Variants in NIPSNAP1 observed in about 807,000 individuals in gnomAD.
The protein encoded by NIPSNAP1 is protein NipSnap homolog 1.
Under a neutral mutation model 49.2 loss-of-function variants are expected in NIPSNAP1, and 25 were observed. The ratio of observed to expected loss-of-function variants is 0.51; its 90% CI spans 0.37 to 0.71. The LOEUF (loss-of-function observed/expected upper bound fraction) is 0.71, where lower values mean the gene tolerates loss of function less well. Among genes scored for constraint, NIPSNAP1 ranks in the 30% least tolerant of loss-of-function variants. The pLI, the probability that NIPSNAP1 is intolerant of heterozygous loss-of-function variation, is 0.00. For missense variants in NIPSNAP1, 294 were observed against 361.0 expected, an observed-to-expected ratio of 0.81 and a Z score of 1.50; for synonymous variants, 143 against 140.7, an observed-to-expected ratio of 1.02 and a Z score of -0.12.
intron 4 of NIPSNAP1, among the ~76,000 whole-genome samples, chr22:29,568,386 G>A (rs999233590): frequency 6.6e-6 from 1 of 151,466 alleles, no homozygotes; most frequent in Non-Finnish European, 1.5e-5. Flanking sequence ...GGGAAGCTGA[G>A]GCAGGAGAAT....
intron 1 of NIPSNAP1, among the ~76,000 whole-genome samples, chr22:29,577,451 C>T (rs1159376935): frequency 1.3e-5 from 2 of 148,690 alleles, no homozygotes; most frequent in East Asian, 2.0e-4. Flanking sequence ...CGAAGTCTCG[C>T]TCTTGTTCCC....
rs1268332965 is a variant in NIPSNAP1, at chr22:29,555,380, A to T, written c.*555T>A. ...CAGCCCCTCTGGGCAGAATGTCTGA[A>T]CCTCCTCCTGACCGTGGTGACGAGG... On this transcript the variant is annotated 3_prime_UTR_variant, in exon 10 of 10. Coordinates refer to ENST00000216121, the MANE Select transcript of NIPSNAP1 (RefSeq NM_003634.4). The T allele has an allele frequency of 6.4e-6, 1 of 155,886 alleles. No homozygotes were observed. Among genetic ancestry groups the T allele is most frequent in the Non-Finnish European group, 1.4e-5 (1 of 70,222 alleles). The allele number at this position is 155,886 out of a possible 1,614,324, so 9.7% of individuals were successfully genotyped here.
chr22:29,557,012 G>T lies in NIPSNAP1; in HGVS notation c.791-1013C>A, dbSNP rs185179334. Reference sequence around the variant, plus strand: ...GATCTGCCCACCTCAGCCTCCCAAAGTGCTGGGATGACAGGCGTGAGCCAC... The same window carrying T: ...GATCTGCCCACCTCAGCCTCCCAAATTGCTGGGATGACAGGCGTGAGCCAC... On this transcript the variant is annotated intron_variant, in intron 9 of 9. Coordinates refer to ENST00000216121, the MANE Select transcript of NIPSNAP1 (RefSeq NM_003634.4). Among the ~76,000 whole-genome samples, 21 of 152,282 alleles carry T rather than the reference G, an allele frequency of 1.4e-4. No homozygotes were observed. The East Asian group carries it at 4.1e-3, about 29-fold the overall frequency.
At chr22:29,579,289 C>CTTT (rs34084606) in intron 1 of NIPSNAP1, among the ~76,000 whole-genome samples, 15 of 57,362 alleles carry the variant, frequency 2.6e-4, no homozygotes, top group East Asian at 7.3e-4. Context: ...AATTTTTGTA[C>CTTT]TTTTTTTTTT....
Position 29,558,941 on chromosome 22 carries a change from A to G in NIPSNAP1, c.719T>C (p.Leu240Pro). ...VVHHLWAYKD[L>P]QSREETRNAA... ...GTTTCGAGTCTCCTCCCGAGACTGCAGGTCTTTATAGGCTGTGAGAAAGGC... is the reference window on the plus strand; with the variant it reads ...GTTTCGAGTCTCCTCCCGAGACTGCGGGTCTTTATAGGCTGTGAGAAAGGC... Residue 240 changes from leucine to proline, a missense_variant, in exon 9 of 10, where the codon CTG becomes CCG. Physicochemically the swap from Leu to Pro is moderately conservative, Grantham distance 98 (BLOSUM62 -3). This residue lies in a region of NIPSNAP1 where 146 missense variants were observed against 219.9 expected (regional missense o/e 0.66). Coordinates refer to ENST00000216121, the MANE Select transcript of NIPSNAP1 (RefSeq NM_003634.4). 1 of 1,613,168 alleles carries G rather than the reference A, an allele frequency of 6.2e-7. No individual in the cohort carries two copies. Among genetic ancestry groups the G allele is most frequent in the Non-Finnish European group, 8.5e-7 (1 of 1,179,492 alleles).
rs1184762822 is a variant in NIPSNAP1, at chr22:29,571,778, CTTTTCTTTTTTT to C, written c.99-1258_99-1247del. ...GCCCTATCCTTTCTTTTCTTTTTTTCTTTTCTTTTTTTTTGAGACAGAGTCTTGCTCTTGTTG... is the reference window on the plus strand; with the variant it reads ...GCCCTATCCTTTCTTTTCTTTTTTTCTTGAGACAGAGTCTTGCTCTTGTTG... On this transcript the variant is annotated intron_variant, in intron 1 of 9. Transcript: ENST00000216121. Among the ~76,000 whole-genome samples the C allele has an allele frequency of 2.0e-5, 3 of 150,650 alleles. No individual in the cohort carries two copies. In the East Asian group the frequency reaches 5.9e-4, roughly 30 times the overall value.
At chr22:29,573,539 C>CT (rs1347054241) in intron 1 of NIPSNAP1, among the ~76,000 whole-genome samples, 1 of 151,956 alleles carries the variant, frequency 6.6e-6, no homozygotes, top group African/African-American at 2.4e-5. Flanking sequence ...GAGGCCAAGG[C>CT]GGGTGGATTA....
At chr22:29,557,262 G>T (rs1374206373) in intron 9 of NIPSNAP1, among the ~76,000 whole-genome samples, 2 of 151,860 alleles carry the variant, frequency 1.3e-5, no homozygotes, top group African/African-American at 4.8e-5. Context: ...GGGATTACAG[G>T]CTTGAGTTAC....
At chr22:29,561,906 C>T (rs2064338718) in intron 4 of NIPSNAP1, 44 bp from the exon 5 acceptor site, 1 of 1,599,114 alleles carries the variant, frequency 6.3e-7, no homozygotes, top group African/African-American at 1.3e-5. Flanking sequence ...GCTGGGACCC[C>T]CAGCAGATGA....
chr22:29,564,200 CTG>C (rs1465148423), intron 4 of NIPSNAP1: 1 of 394,626 alleles, frequency 2.5e-6, no homozygotes, highest in African/African-American at 2.1e-5. Flanking sequence ...AACTCAGACT[CTG>C]TAACTTCCCA....
chr22:29,580,005 A>G (rs1359204150), intron 1 of NIPSNAP1: 10 of 1,090,590 alleles, frequency 9.2e-6, no homozygotes, highest in South Asian at 2.6e-5. Context: ...GGCAGGCACT[A>G]TCAGAACTTT....
intron 7 of NIPSNAP1, 72 bp from the exon 8 acceptor site, chr22:29,560,900 CACA>C: frequency 1.4e-6 from 2 of 1,408,070 alleles, no homozygotes; most frequent in Non-Finnish European, 2.0e-6. Flanking sequence ...ATTCCTTGGC[CACA>C]CTTCACAGGA....
In NIPSNAP1 at chr22:29,569,017, T is replaced by C. The variant is rs544868682; in HGVS notation, c.367+176A>G. 9.2e-5 allele frequency among the ~76,000 whole-genome samples: 14 copies of C among 152,124 alleles called. No homozygotes were observed. The East Asian group carries it at 2.7e-3, about 29-fold the overall frequency. On this transcript the variant is annotated intron_variant, in intron 4 of 9. Coordinates refer to ENST00000216121, the MANE Select transcript of NIPSNAP1 (RefSeq NM_003634.4). ...GGAGTCACAGGCTTCACGGGTCACC[T>C]TGAGGGCACAGGGGAGCCAGGACAG...
Position 29,561,839 on chromosome 22 carries a change from C to CA in NIPSNAP1, c.390dup (p.Gly131TrpfsTer16), listed in dbSNP as rs2064338068. 1 of 1,613,988 alleles carries CA rather than the reference C, an allele frequency of 6.2e-7. No individual in the cohort carries two copies. The highest frequency in any genetic ancestry group is 8.5e-7 in the Non-Finnish European group (1 of 1,180,024). ...ATGCAGTCCATGAGGGCTGGGTAGC[C>CA]ACCTGAGAATCGCCACAGGTGCACT... is the stretch of plus-strand genomic sequence containing the variant. On this transcript the variant is annotated frameshift_variant, in exon 5 of 10. Coordinates refer to ENST00000216121, the MANE Select transcript of NIPSNAP1 (RefSeq NM_003634.4). LOFTEE classifies it high-confidence loss of function.
At chr22:29,558,729 G>T in intron 9 of NIPSNAP1, 141 bp downstream of exon 9, 1 of 731,104 alleles carries the variant, frequency 1.4e-6, no homozygotes, top group Non-Finnish European at 2.5e-6. Context: ...TGTGCCACTT[G>T]GATAGAAACC....
At chr22:29,562,759 G>A (rs887938991) in intron 4 of NIPSNAP1, among the ~76,000 whole-genome samples, 29 of 152,096 alleles carry the variant, frequency 1.9e-4, no homozygotes, top group Admixed American at 7.2e-4. Context: ...CCTCGGGCAG[G>A]AGGGAAGCTT....
At chr22:29,570,005 GAGAA>G (rs574102676) in intron 3 of NIPSNAP1, 153 bp downstream of exon 3, 165 of 700,308 alleles carry the variant, frequency 2.4e-4, no homozygotes, top group Admixed American at 4.3e-4. Context: ...AAAAGAAAGA[GAGAA>G]AGAAAGAAAG....
At chr22:29,560,593 T>C in intron 8 of NIPSNAP1, 141 bp downstream of exon 8, 1 of 771,236 alleles carries the variant, frequency 1.3e-6, no homozygotes. Context: ...AAATTGATCT[T>C]TTTGTGACTT....
intron 4 of NIPSNAP1, among the ~76,000 whole-genome samples, chr22:29,564,704 C>T (rs531065805): frequency 1.4e-4 from 21 of 152,154 alleles, no homozygotes; most frequent in South Asian, 6.2e-4. Context: ...TGAGCCACCG[C>T]GCCCAGCCAA....
Sources: allele counts gnomAD v4.1 joint callset (sites outside exome capture counted in the v4.1 genomes callset), GRCh38; gene constraint gnomAD v4.1.1; regional missense constraint gnomAD v4.1.1; transcripts MANE v1.5; gene names NCBI Gene and HGNC (gene_info 2026-07-23, HGNC 2026-07-21).